The following HBG1 variants were observed in gnomAD, a reference collection of about 807,000 sequenced individuals.
HBG1 encodes hemoglobin subunit gamma 1.
Under a neutral mutation model 5.9 loss-of-function variants are expected in HBG1, and 1 was observed. The ratio of observed to expected loss-of-function variants is 0.17; its 90% CI spans 0.06 to 0.81. HBG1 has a LOEUF of 0.81. Among genes scored for constraint, HBG1 ranks in the 30% least tolerant of loss-of-function variants. The pLI, the probability that HBG1 is intolerant of heterozygous loss-of-function variation, is 0.73. For synonymous variants in HBG1, 19 were observed against 50.5 expected (o/e 0.38, Z 2.64); for missense variants, 57 against 122.0 (o/e 0.47, Z 2.51).
intron 2 of HBG1, among the ~76,000 whole-genome samples, chr11:5,248,702 C>T (rs530829145): frequency 6.3e-4 from 95 of 151,354 alleles, no homozygotes; most frequent in Middle Eastern, 6.8e-3. Flanking sequence ...TATCTTCTTG[C>T]CACCATGAAC....
At chr11:5,248,622 T>G (rs1246944785) in intron 2 of HBG1, 135 bp from the exon 3 acceptor site, 42 of 1,168,334 alleles carry the variant, frequency 3.6e-5, no homozygotes, top group Non-Finnish European at 4.9e-5. Context: ...CCTGAGATTT[T>G]GCCTTCCCAT....
At chr11:5,248,780 G>GCA (rs1292097599) in intron 2 of HBG1, among the ~76,000 whole-genome samples, 76 of 113,076 alleles carry the variant, frequency 6.7e-4, no homozygotes, top group South Asian at 2.8e-3. Flanking sequence ...ACGCGCGCGC[G>GCA]CACACACACA....
chr11:5,248,770 ACGCGCG>A (rs1222191441), intron 2 of HBG1, among the ~76,000 whole-genome samples: 2 of 90,636 alleles, frequency 2.2e-5, no homozygotes, highest in Admixed American at 1.0e-4. Context: ...ACACACACAC[ACGCGCG>A]CGCGCACACA....
chr11:5,248,780 G>GCACACACA (rs1292097599), intron 2 of HBG1, among the ~76,000 whole-genome samples: 29 of 113,076 alleles, frequency 2.6e-4, no homozygotes, highest in African/African-American at 9.6e-4. Context: ...ACGCGCGCGC[G>GCACACACA]CACACACACA....
Position 5,248,365 on chromosome 11 carries a change from G to T in HBG1, c.438C>A (p.Tyr146Ter), listed in dbSNP as rs1293931518. The T allele has an allele frequency of 1.2e-6, 2 of 1,613,938 alleles. No homozygotes were observed. The highest frequency in any genetic ancestry group is 1.7e-6 in the Non-Finnish European group (2 of 1,179,944). ...TAVASALSSRYH is the reference protein window; with the variant it reads ...TAVASALSSR ...TGAATCATGGGCAGTGAGCTCAGTG[G>T]TATCTGGAGGACAGGGCACTGGCCA... Residue 146 changes from tyrosine to a stop codon, truncating the protein, a stop_gained, in exon 3 of 3, where the codon TAC becomes TAA. Transcript: ENST00000330597. LOFTEE classifies it high-confidence loss of function.
At chr11:5,248,758 A>T (rs1847911100) in intron 2 of HBG1, among the ~76,000 whole-genome samples, 4 of 121,172 alleles carry the variant, frequency 3.3e-5, no homozygotes, top group South Asian at 2.5e-4. Flanking sequence ...ACACGCTGAC[A>T]CACACACACA....
chr11:5,249,170 A>G (rs1359546715), intron 2 of HBG1, among the ~76,000 whole-genome samples, 198 bp downstream of exon 2: 2 of 133,308 alleles, frequency 1.5e-5, no homozygotes, highest in African/African-American at 2.9e-5. Context: ...AAAATTGTCC[A>G]TCTAGATTTT....
Position 5,248,290 on chromosome 11 carries a change from A to G in HBG1, c.*69T>C. ...ATCATGTGTGATCTCTCAGCAGAAT[A>G]GATTTATTATTTGTATTGCTTGCAG... On this transcript the variant is annotated 3_prime_UTR_variant, in exon 3 of 3. Transcript: ENST00000330597. 6.3e-7 allele frequency: 1 copy of G among 1,586,034 alleles called. No homozygotes were observed. The highest frequency in any genetic ancestry group is 2.3e-5 in the East Asian group (1 of 43,658).
intron 2 of HBG1, among the ~76,000 whole-genome samples, 171 bp from the exon 3 acceptor site, chr11:5,248,658 A>C (rs111525269): frequency 0.072 from 10,435 of 145,650 alleles, 1,472 homozygotes; most frequent in African/African-American, 0.26. Flanking sequence ...GTTCCCCTTC[A>C]AGCACTAGTC....
chr11:5,248,406 T>C lies in HBG1; in HGVS notation c.397A>G (p.Lys133Glu). The change falls in exon 3 of 3, where the codon AAG becomes GAG. Residue 133 changes from lysine (K) to glutamate (E), a missense_variant. By Grantham distance (56) the Lys-to-Glu change is moderately conservative (BLOSUM62 1). Coordinates refer to ENST00000330597, the MANE Select transcript of HBG1 (RefSeq NM_000559.3). The part of the protein sequence containing the change: ...FTPEVQASWQ[K>E]MVTAVASALS... The stretch of plus-strand genomic sequence containing the variant: ...GCACTGGCCACTGCAGTCACCATCT[T>C]CTGCCAGGAAGCCTGCACCTCAGGG... 6.2e-7 allele frequency: 1 copy of C among 1,614,176 alleles called. No homozygotes were observed. The highest frequency in any genetic ancestry group is 1.1e-5 in the South Asian group (1 of 91,086).
rs768976556 is a variant in HBG1 at position 5,248,369 on chromosome 11, C to T, written c.434G>A (p.Arg145Lys). The change falls in exon 3 of 3, where the codon AGA (arginine) becomes AAA (lysine). Residue 145 changes from arginine to lysine, a missense_variant. Arg to Lys is a conservative substitution (Grantham distance 26). Around this residue, in one of 2 missense-constraint regions of HBG1, gnomAD observed 43 missense variants for 44.9 expected, o/e 0.96. Coordinates refer to ENST00000330597, the MANE Select transcript of HBG1 (RefSeq NM_000559.3). ...VTAVASALSS[R>K]YH Reference sequence around the variant, plus strand: ...TCATGGGCAGTGAGCTCAGTGGTATCTGGAGGACAGGGCACTGGCCACTGC... The same window carrying T: ...TCATGGGCAGTGAGCTCAGTGGTATTTGGAGGACAGGGCACTGGCCACTGC... 9.3e-6 allele frequency: 15 copies of T among 1,614,112 alleles called. No homozygotes were observed. The South Asian group carries it at 1.6e-4, about 18-fold the overall frequency.
chr11:5,248,778 G>GCACA lies in HBG1; in HGVS notation c.316-292_316-291insTGTG, dbSNP rs1331662419. On this transcript the variant is annotated intron_variant, in intron 2 of 2. Coordinates refer to ENST00000330597, the MANE Select transcript of HBG1 (RefSeq NM_000559.3). ...CTGACACACACACACACACGCGCGC[G>GCACA]CGCACACACACACACACACACAGAG... Among the ~76,000 whole-genome samples the GCACA allele has an allele frequency of 5.8e-5, 5 of 86,688 alleles. 1 individual carries two copies. The highest frequency in any genetic ancestry group is 1.8e-4 in the African/African-American group (5 of 28,262). 56.9% of individuals were successfully genotyped at this position (86,688 alleles called of 152,430 possible).
intron 1 of HBG1, 56 bp from the exon 2 acceptor site, chr11:5,249,646 G>A: frequency 1.9e-6 from 1 of 530,472 alleles, no homozygotes; most frequent in East Asian, 3.7e-5. Context: ...ATCCTGAGAA[G>A]CGACCTGGAC....
chr11:5,248,331 T>G lies in HBG1; in HGVS notation c.*28A>C. ...TTGCTTGCAGAATAAAGCCTATCCT[T>G]GAAAGCTCTGAATCATGGGCAGTGA... On this transcript the variant is annotated 3_prime_UTR_variant, in exon 3 of 3. Coordinates refer to ENST00000330597, the MANE Select transcript of HBG1 (RefSeq NM_000559.3). The G allele has an allele frequency of 6.2e-7, 1 of 1,613,292 alleles. No homozygotes were observed. The highest frequency in any genetic ancestry group is 8.5e-7 in the Non-Finnish European group (1 of 1,179,244).
chr11:5,248,576 C>T (rs28379094), intron 2 of HBG1, 89 bp from the exon 3 acceptor site: 571,025 of 1,242,284 alleles, frequency 0.46, 136,611 homozygotes, highest in East Asian at 0.7. Flanking sequence ...ACCAAGCTTC[C>T]ACCCAGAATC....
At position 5,249,358 on chromosome 11, in the gene HBG1, C is replaced by T. The variant is rs761703990; in HGVS notation, c.315+10G>A. ...AAAGGCAACAGGGCTGAAACATCTC[C>T]TGGACTCACCTTGAAGTTCTCAGGA... On this transcript the variant is annotated intron_variant, in intron 2 of 2. Coordinates refer to ENST00000330597, the MANE Select transcript of HBG1 (RefSeq NM_000559.3). 8.1e-6 allele frequency: 10 copies of T among 1,242,136 alleles called. 2 individuals are homozygous for T. The highest frequency in any genetic ancestry group is 1.9e-5 in the Admixed American group (1 of 52,858). 76.9% of individuals were successfully genotyped at this position (1,242,136 alleles called of 1,614,324 possible). A position where few individuals can be genotyped will look rare whatever the true frequency, so the allele number is the denominator to read the frequency against.
At chr11:5,248,580 C>A (rs1847907415) in intron 2 of HBG1, 93 bp from the exon 3 acceptor site, 12 of 1,233,808 alleles carry the variant, frequency 9.7e-6, no homozygotes, top group Non-Finnish European at 1.4e-5. Flanking sequence ...AGCTTCCACC[C>A]AGAATCAAGC....
chr11:5,249,015 T>C lies in HBG1; in HGVS notation c.315+353A>G, dbSNP rs920757349. On this transcript the variant is annotated intron_variant, in intron 2 of 2. Transcript: ENST00000330597. ...ACTGAGCCAATATATGCCTTCTGCC[T>C]GCATCTTTTTAACGACCATACTTGT... Among the ~76,000 whole-genome samples the C allele has an allele frequency of 7.0e-5, 10 of 142,412 alleles. 2 individuals carry two copies. Among genetic ancestry groups the C allele is most frequent in the Admixed American group, 6.9e-5 (1 of 14,430 alleles). The allele number at this position is 142,412 out of a possible 152,430, so 93.4% of individuals were successfully genotyped here.
chr11:5,248,277 C>A lies in HBG1; in HGVS notation c.*82G>T. 1.3e-6 allele frequency: 2 copies of A among 1,568,836 alleles called. No individual in the cohort carries two copies. The highest frequency in any genetic ancestry group is 2.2e-5 in the South Asian group (2 of 89,530). On this transcript the variant is annotated 3_prime_UTR_variant, in exon 3 of 3. Coordinates refer to ENST00000330597, the MANE Select transcript of HBG1 (RefSeq NM_000559.3). Reference sequence around the variant, plus strand: ...AGAGCTGAAGAAAATCATGTGTGATCTCTCAGCAGAATAGATTTATTATTT... The same window carrying A: ...AGAGCTGAAGAAAATCATGTGTGATATCTCAGCAGAATAGATTTATTATTT...
Sources: allele counts gnomAD v4.1 joint callset (sites outside exome capture counted in the v4.1 genomes callset), GRCh38; gene constraint gnomAD v4.1.1; regional missense constraint gnomAD v4.1.1; transcripts MANE v1.5; gene names NCBI Gene and HGNC (gene_info 2026-07-23, HGNC 2026-07-21).